DLG2: variants seen among roughly 807,000 people sequenced by gnomAD.
DLG2 encodes the protein discs large MAGUK scaffold protein 2, also known as disks large homolog 2.
A neutral mutation model predicts 132.5 loss-of-function variants in DLG2; 45 were observed. The ratio of observed to expected loss-of-function variants is 0.34; its 90% CI spans 0.27 to 0.44. DLG2 has a LOEUF of 0.44. DLG2 is among the 20% of genes least tolerant of loss of function. The probability of loss-of-function intolerance (pLI) is 1.00; values close to 1 mark genes in which losing one functional copy is unlikely to be tolerated. For missense variants in DLG2, 1,045 were observed against 1,196.9 expected (o/e 0.87, Z 1.87); for synonymous variants, 424 against 419.6 (o/e 1.01, Z -0.13).
intron 6 of DLG2, among the ~76,000 whole-genome samples, chr11:84,606,292 A>C (rs1377656474): frequency 6.6e-6 from 1 of 152,132 alleles, no homozygotes; most frequent in Non-Finnish European, 1.5e-5. Context: ...ATATTCATGG[A>C]ATTTTATGCG....
intron 18 of DLG2, among the ~76,000 whole-genome samples, chr11:83,767,753 CT>C (rs11303328): frequency 0.17 from 25,475 of 151,652 alleles, 2,497 homozygotes; most frequent in African/African-American, 0.26. Context: ...GCAAGATTAA[CT>C]TTTTTTTTCA....
intron 6 of DLG2, among the ~76,000 whole-genome samples, chr11:84,903,662 T>C (rs11234235): frequency 0.47 from 71,265 of 151,526 alleles, 17,330 homozygotes; most frequent in South Asian, 0.62. Flanking sequence ...GTCAAGTTGC[T>C]GAATATAGTT....
intron 6 of DLG2, among the ~76,000 whole-genome samples, chr11:84,777,246 T>C (rs538668751): frequency 0.29 from 11 of 38 alleles, no homozygotes; most frequent in South Asian, 0.5. Context: ...GCTGTCTAAA[T>C]AGTATCCATT....
At chr11:85,122,969 ATTTTTTTTTTT>A (rs1175644391) in intron 5 of DLG2, among the ~76,000 whole-genome samples, 73 of 86,748 alleles carry the variant, frequency 8.4e-4, no homozygotes, top group East Asian at 1.3e-3. Context: ...ATATATATAT[ATTTTTTTTTTT>A]TTTTTTTTTT....
intron 4 of DLG2, among the ~76,000 whole-genome samples, chr11:85,198,985 A>G (rs2081257849): frequency 6.6e-6 from 1 of 152,174 alleles, no homozygotes; most frequent in African/African-American, 2.4e-5. Context: ...TTCCCCACAC[A>G]TACTTTGGAG....
At chr11:84,663,249 ATTTTT>A (rs200108753) in intron 6 of DLG2, among the ~76,000 whole-genome samples, 2 of 102,280 alleles carry the variant, frequency 2.0e-5, no homozygotes, top group South Asian at 2.8e-4. Flanking sequence ...ATATATATAT[ATTTTT>A]TTTTCATATA....
chr11:84,093,134 G>A (rs969091265), intron 10 of DLG2, among the ~76,000 whole-genome samples: 3 of 152,080 alleles, frequency 2.0e-5, no homozygotes, highest in Non-Finnish European at 4.4e-5. Context: ...CACTATTGGT[G>A]TATGTCATAA....
chr11:84,799,953 A>G (rs181164593), intron 6 of DLG2, among the ~76,000 whole-genome samples: 186 of 152,308 alleles, frequency 1.2e-3, no homozygotes, highest in Non-Finnish European at 2.2e-3. Context: ...GCTTTATGAG[A>G]AGCTCTTTCT....
intron 7 of DLG2, among the ~76,000 whole-genome samples, chr11:84,340,422 T>G (rs1353109931): frequency 6.6e-6 from 1 of 152,198 alleles, no homozygotes; most frequent in East Asian, 1.9e-4. Context: ...TTGTGCTGGT[T>G]AAGTATAACT....
chr11:83,485,777 C>T (rs923178518), intron 21 of DLG2, among the ~76,000 whole-genome samples: 4 of 152,032 alleles, frequency 2.6e-5, no homozygotes, highest in African/African-American at 9.7e-5. Context: ...CTCATACATT[C>T]CCATATCAAA....
intron 9 of DLG2, among the ~76,000 whole-genome samples, chr11:84,142,383 T>C (rs918737963): frequency 6.7e-6 from 1 of 149,788 alleles, no homozygotes; most frequent in Non-Finnish European, 1.5e-5. Context: ...GAATAAAGCA[T>C]TGTGTGTCAT....
intron 18 of DLG2, among the ~76,000 whole-genome samples, chr11:83,702,656 A>C (rs1326228020): frequency 6.6e-6 from 1 of 152,158 alleles, no homozygotes; most frequent in African/African-American, 2.4e-5. Flanking sequence ...AGAAAGCTCT[A>C]ATTCCTGTGT....
intron 18 of DLG2, among the ~76,000 whole-genome samples, chr11:83,748,130 C>A (rs900845154): frequency 6.6e-6 from 1 of 152,152 alleles, no homozygotes; most frequent in African/African-American, 2.4e-5. Context: ...TGTACTCTGT[C>A]AAGGTTTGAA....
At chr11:84,421,175 C>G (rs1003270741) in intron 7 of DLG2, among the ~76,000 whole-genome samples, 1 of 152,140 alleles carries the variant, frequency 6.6e-6, no homozygotes, top group Non-Finnish European at 1.5e-5. Context: ...AGTGAGCTCT[C>G]ACCAGATATG....
chr11:84,186,132 A>G (rs1020641981), intron 8 of DLG2, among the ~76,000 whole-genome samples: 5 of 152,176 alleles, frequency 3.3e-5, no homozygotes, highest in African/African-American at 1.2e-4. Flanking sequence ...TGAATACTAC[A>G]TTTGTAGCTG....
At chr11:83,546,655 TAGGTAG>T (rs2141821739) in intron 19 of DLG2, among the ~76,000 whole-genome samples, 1 of 151,898 alleles carries the variant, frequency 6.6e-6, no homozygotes, top group South Asian at 2.1e-4. Flanking sequence ...GATTAAAGTA[TAGGTAG>T]ATGTGTCTCA....
chr11:84,263,935 G>C (rs753924038), intron 7 of DLG2, among the ~76,000 whole-genome samples: 13 of 152,068 alleles, frequency 8.5e-5, no homozygotes, highest in Admixed American at 2.0e-4. Context: ...GCACTTGGGC[G>C]CTCATTACAA....
intron 21 of DLG2, among the ~76,000 whole-genome samples, chr11:83,490,053 C>G (rs1240770884): frequency 6.6e-6 from 1 of 152,010 alleles, no homozygotes; most frequent in South Asian, 2.1e-4. Context: ...TGCACATTCA[C>G]TACTCAGATT....
intron 3 of DLG2, among the ~76,000 whole-genome samples, chr11:85,397,576 G>A (rs2087535457): frequency 6.6e-6 from 1 of 152,124 alleles, no homozygotes; most frequent in Non-Finnish European, 1.5e-5. Context: ...ATAAAGGGAT[G>A]GAGGAAGATA....
Sources: allele counts gnomAD v4.1 joint callset (sites outside exome capture counted in the v4.1 genomes callset), GRCh38; gene constraint gnomAD v4.1.1; transcripts MANE v1.5; gene names NCBI Gene and HGNC (gene_info 2026-07-23, HGNC 2026-07-21).